ITGB8: variants seen among roughly 807,000 people sequenced by gnomAD.
ITGB8 encodes the protein integrin subunit beta 8.
ITGB8 carries 30 observed loss-of-function variants against 89.5 expected under a neutral mutation model. That is an observed-to-expected ratio of 0.34 (90% confidence interval 0.25 to 0.45). ITGB8 has a LOEUF of 0.45. Ranked by LOEUF, ITGB8 falls within the 20% of genes least tolerant of loss-of-function variation. The pLI is 1.00. For missense variants in ITGB8, 836 were observed against 933.3 expected, an observed-to-expected ratio of 0.90 and a Z score of 1.36; for synonymous variants, 335 against 320.4, an observed-to-expected ratio of 1.05 and a Z score of -0.49.
At position 20,367,045 on chromosome 7, in the gene ITGB8, T is replaced by C. The variant is rs762853356; in HGVS notation, c.247T>C (p.Cys83Arg). The change falls in exon 3 of 14, where the codon TGT becomes CGT. Residue 83 changes from cysteine to arginine, a missense_variant. This residue lies in a region of ITGB8 where 182 missense variants were observed against 177.0 expected (regional missense o/e 1.03). Coordinates refer to ENST00000222573, the MANE Select transcript of ITGB8 (RefSeq NM_002214.3). ...TTCAGGTGGATCAAGAAGTGAACGTTGTGATATTGTTTCCAATTTAATAAG... is the reference window on the plus strand; with the variant it reads ...TTCAGGTGGATCAAGAAGTGAACGTCGTGATATTGTTTCCAATTTAATAAG... ...FISGGSRSER[C>R]DIVSNLISKG... The C allele has an allele frequency of 6.2e-7, 1 of 1,611,958 alleles. No individual in the cohort carries two copies. The highest frequency in any genetic ancestry group is 1.1e-5 in the South Asian group (1 of 90,236).
chr7:20,351,807 G>A (rs1343406350), intron 1 of ITGB8, among the ~76,000 whole-genome samples: 1 of 152,102 alleles, frequency 6.6e-6, no homozygotes, highest in Non-Finnish European at 1.5e-5. Context: ...TGTAGAAAAT[G>A]CATTCTTACT....
rs1787795006 is a variant in ITGB8, at chr7:20,412,422, AGAT to A, written c.*2431_*2433del. ...AGAAAAAAGTGTAAGATAGCCATTA[AGAT>A]GATGACAATTTTTGAAATGAACATT... On this transcript the variant is annotated 3_prime_UTR_variant, in exon 14 of 14. Coordinates refer to ENST00000222573, the MANE Select transcript of ITGB8 (RefSeq NM_002214.3). The A allele has an allele frequency of 6.5e-6, 1 of 152,690 alleles. No homozygotes were observed. Among genetic ancestry groups the A allele is most frequent in the African/African-American group, 2.4e-5 (1 of 41,588 alleles). The allele number at this position is 152,690 out of a possible 1,614,324, so 9.5% of individuals were successfully genotyped here.
chr7:20,373,789 A>G (rs1480272278), intron 3 of ITGB8, among the ~76,000 whole-genome samples: 2 of 151,764 alleles, frequency 1.3e-5, no homozygotes, highest in East Asian at 1.9e-4. Context: ...AGCTTTCCAC[A>G]TTTTCTCTTG....
At chr7:20,404,522 G>C in intron 10 of ITGB8, 106 bp from the exon 11 acceptor site, 1 of 871,230 alleles carries the variant, frequency 1.1e-6, no homozygotes, top group Non-Finnish European at 1.9e-6. Context: ...CCATTCATTG[G>C]ACTGTCAGTG....
intron 3 of ITGB8, among the ~76,000 whole-genome samples, chr7:20,370,734 C>T (rs888894672): frequency 6.6e-6 from 1 of 152,080 alleles, no homozygotes; most frequent in Admixed American, 6.6e-5. Context: ...CCTCAGCCCC[C>T]TGAATAGCTG....
At position 20,406,028 on chromosome 7, in the gene ITGB8, G is replaced by A. The variant is rs772471100; in HGVS notation, c.1914-34G>A. On this transcript the variant is annotated intron_variant, in intron 11 of 13. Transcript: ENST00000222573. Reference sequence around the variant, plus strand: ...TATTATAGTCCACCACCTTTTTAAAGAATAAATATTTTCACTTCTGTTTCC... The same window carrying A: ...TATTATAGTCCACCACCTTTTTAAAAAATAAATATTTTCACTTCTGTTTCC... 14 of 1,243,138 alleles carry A rather than the reference G, an allele frequency of 1.1e-5. No individual in the cohort carries two copies. In the South Asian group the frequency reaches 1.4e-4, roughly 13 times the overall value. 77.0% of individuals were successfully genotyped at this position (1,243,138 alleles called of 1,614,324 possible).
chr7:20,360,832 TATG>T (rs1365977564), intron 1 of ITGB8, among the ~76,000 whole-genome samples: 2 of 150,448 alleles, frequency 1.3e-5, no homozygotes, highest in East Asian at 3.9e-4. Context: ...GTCTTTTTGA[TATG>T]ATGACTTCTT....
intron 1 of ITGB8, chr7:20,346,821 G>A: frequency 2.0e-6 from 2 of 985,432 alleles, no homozygotes; most frequent in South Asian, 4.7e-5. Flanking sequence ...CATGACATAG[G>A]ACTTTAGGAG....
Position 20,363,742 on chromosome 7 carries a change from C to G in ITGB8, c.213+20C>G. On this transcript the variant is annotated intron_variant, in intron 2 of 13. Coordinates refer to ENST00000222573, the MANE Select transcript of ITGB8 (RefSeq NM_002214.3). ...CAAGAGGTGTGCCATTTTTTTTTTT[C>G]TTTTTCTCATGGTTGACTTGAGCTA... 7.7e-7 allele frequency: 1 copy of G among 1,305,116 alleles called. No homozygotes were observed. Among genetic ancestry groups the G allele is most frequent in the Middle Eastern group, 1.9e-4 (1 of 5,232 alleles). 80.8% of individuals were successfully genotyped at this position (1,305,116 alleles called of 1,614,324 possible).
At position 20,409,623 on chromosome 7, in the gene ITGB8, T is replaced by A. The variant is rs201628724; in HGVS notation, c.2032T>A (p.Ser678Thr). The A allele has an allele frequency of 1.2e-6, 2 of 1,602,126 alleles. No individual in the cohort carries two copies. Among genetic ancestry groups the A allele is most frequent in the African/African-American group, 1.3e-5 (1 of 74,322 alleles). Residue 678 changes from serine (S) to threonine (T), a missense_variant, in exon 13 of 14, where the codon TCC becomes ACC. This residue lies in a region of ITGB8 where 422 missense variants were observed against 416.9 expected (regional missense o/e 1.01). Coordinates refer to ENST00000222573, the MANE Select transcript of ITGB8 (RefSeq NM_002214.3). ...HYVDQTSECFSSPSYLRIFFI... is the reference protein window; with the variant it reads ...HYVDQTSECFTSPSYLRIFFI... Reference sequence around the variant, plus strand: ...TGTTTGCTTCATTACAGAATGTTTCTCCAGCCCAAGCTACTTGAGAATATT... The same window carrying A: ...TGTTTGCTTCATTACAGAATGTTTCACCAGCCCAAGCTACTTGAGAATATT...
At chr7:20,366,184 T>C (rs2127946359) in intron 2 of ITGB8, 1 of 152,302 alleles carries the variant, frequency 6.6e-6, no homozygotes, top group Non-Finnish European at 1.5e-5. Flanking sequence ...ATGGAAGACA[T>C]GATATGTCTT....
Position 20,380,696 on chromosome 7 carries a change from T to C in ITGB8, c.666T>C (p.His222=). The change falls in exon 5 of 14, where the codon CAT becomes CAC. Residue 222 remains histidine, a synonymous_variant. Transcript: ENST00000222573. ...SDYNLDCMPP[H]GYIHVLSLTE... is the part of the protein sequence containing the mutation. The stretch of plus-strand genomic sequence containing the variant: ...ACAATTTAGACTGCATGCCTCCCCA[T>C]GGATACATCCATGTGCTGTCTTTGA... 6.2e-7 allele frequency: 1 copy of C among 1,613,630 alleles called. No individual in the cohort carries two copies. The highest frequency in any genetic ancestry group is 8.5e-7 in the Non-Finnish European group (1 of 1,179,606).
At position 20,361,695 on chromosome 7, in the gene ITGB8, G is replaced by C. The variant is rs564421365; in HGVS notation, c.128-1942G>C. On this transcript the variant is annotated intron_variant, in intron 1 of 13. Transcript: ENST00000222573. Reference sequence around the variant, plus strand: ...TGTGGTTAATGTCTACACCTAAATTGGTTTTCTTTCTGGAAACAAAACTAA... The same window carrying C: ...TGTGGTTAATGTCTACACCTAAATTCGTTTTCTTTCTGGAAACAAAACTAA... Among the ~76,000 whole-genome samples the C allele has an allele frequency of 2.0e-5, 3 of 152,214 alleles. No individual in the cohort carries two copies. In the South Asian group the frequency reaches 6.2e-4, roughly 32 times the overall value.
intron 10 of ITGB8, among the ~76,000 whole-genome samples, chr7:20,403,801 G>A (rs1057447392): frequency 2.0e-5 from 3 of 151,956 alleles, no homozygotes; most frequent in Non-Finnish European, 4.4e-5. Flanking sequence ...AGGGAGAAAA[G>A]AGGAAGGTTG....
chr7:20,397,219 C>T (rs1787118260), intron 8 of ITGB8, among the ~76,000 whole-genome samples: 1 of 111,400 alleles, frequency 9.0e-6, no homozygotes, highest in African/African-American at 4.0e-5. Flanking sequence ...AGATCTTTTC[C>T]TTTTCTTTCT....
intron 3 of ITGB8, among the ~76,000 whole-genome samples, chr7:20,370,520 A>G (rs556003076): frequency 6.6e-6 from 1 of 151,142 alleles, no homozygotes; most frequent in South Asian, 2.1e-4. Context: ...GAAATGTTTC[A>G]TGTTCATTCA....
chr7:20,407,547 C>T (rs140926776), intron 12 of ITGB8, among the ~76,000 whole-genome samples: 3 of 152,282 alleles, frequency 2.0e-5, no homozygotes, highest in African/African-American at 7.2e-5. Flanking sequence ...AGAGAGACTG[C>T]ACAAAAGAGT....
intron 6 of ITGB8, among the ~76,000 whole-genome samples, chr7:20,387,742 G>C (rs1416255343): frequency 6.6e-6 from 1 of 152,140 alleles, no homozygotes; most frequent in East Asian, 1.9e-4. Context: ...AGCCCAAACT[G>C]TCAATAGCAC....
rs1784388948 is a variant in ITGB8 at position 20,331,460 on chromosome 7, A to G, written c.-347A>G. 4.8e-6 allele frequency: 2 copies of G among 413,052 alleles called. No individual in the cohort carries two copies. Among genetic ancestry groups the G allele is most frequent in the Non-Finnish European group, 8.5e-6 (2 of 236,602 alleles). The allele number at this position is 413,052 out of a possible 1,614,324, so 25.6% of individuals were successfully genotyped here. ...ATGCAGCAGAAGCCCCACCGGCTGGAGAGAAACAAAAGCTCTTTTCTTTGT... is the reference window on the plus strand; with the variant it reads ...ATGCAGCAGAAGCCCCACCGGCTGGGGAGAAACAAAAGCTCTTTTCTTTGT... On this transcript the variant is annotated 5_prime_UTR_variant, in exon 1 of 14. Transcript: ENST00000222573.
Sources: gnomAD v4.1 joint callset for allele counts (sites outside exome capture counted in the v4.1 genomes callset) on GRCh38, gnomAD v4.1.1 for gene constraint, gnomAD v4.1.1 regional missense constraint, MANE v1.5 for transcripts, NCBI Gene and HGNC (gene_info 2026-07-23, HGNC 2026-07-21) for gene names.